Variants in FAM114A2 observed in about 807,000 individuals in gnomAD.
FAM114A2 encodes the protein protein FAM114A2.
Under a neutral mutation model 58.4 loss-of-function variants are expected in FAM114A2, and 53 were observed. The observed-to-expected ratio is 0.91, with a 90% confidence interval of 0.73 to 1.14. FAM114A2 has a LOEUF of 1.14. FAM114A2 is among the 50% of genes most tolerant of loss of function. FAM114A2 has a pLI of 0.00. For missense variants in FAM114A2, 601 were observed against 581.1 expected, an observed-to-expected ratio of 1.03 and a Z score of -0.35; for synonymous variants, 228 against 211.4, an observed-to-expected ratio of 1.08 and a Z score of -0.68.
intron 8 of FAM114A2, among the ~76,000 whole-genome samples, chr5:154,020,319 A>G (rs1561562694): frequency 9.4e-6 from 1 of 106,774 alleles, no homozygotes; most frequent in Non-Finnish European, 2.0e-5. Flanking sequence ...TGAAGGAGAT[A>G]GAGACACAAA....
In FAM114A2 at chr5:154,029,600, T is replaced by C; in HGVS notation, c.404-20A>G. On this transcript the variant is annotated intron_variant, in intron 4 of 13. Coordinates refer to ENST00000351797, the MANE Select transcript of FAM114A2 (RefSeq NM_018691.4). ...TCTCTCCTACAAGAGGGAGGGGATG[T>C]GTAAACATGAAGGGAAGGTCCCTTA... The C allele has an allele frequency of 2.8e-6, 4 of 1,408,612 alleles. No homozygotes were observed. Among genetic ancestry groups the C allele is most frequent in the Non-Finnish European group, 4.0e-6 (4 of 995,772 alleles). The allele number at this position is 1,408,612 out of a possible 1,614,324, so 87.3% of individuals were successfully genotyped here. A position where few individuals can be genotyped will look rare whatever the true frequency, so the allele number is the denominator to read the frequency against.
intron 11 of FAM114A2, 77 bp downstream of exon 11, chr5:154,002,174 C>T (rs569005139): frequency 2.4e-5 from 33 of 1,365,390 alleles, no homozygotes; most frequent in Admixed American, 5.1e-5. Flanking sequence ...TTGAGAGAGA[C>T]GTTTATAAAA....
intron 11 of FAM114A2, among the ~76,000 whole-genome samples, chr5:154,002,028 T>C (rs1770007886): frequency 6.6e-6 from 1 of 152,158 alleles, no homozygotes; most frequent in Non-Finnish European, 1.5e-5. Flanking sequence ...TGTAAAGAAA[T>C]AGTCTTCAGA....
intron 1 of FAM114A2, among the ~76,000 whole-genome samples, 175 bp from the exon 2 acceptor site, chr5:154,035,142 T>C (rs751785923): frequency 1.6e-4 from 24 of 152,214 alleles, no homozygotes; most frequent in Non-Finnish European, 3.1e-4. Context: ...ACAAATATAA[T>C]ATCACAACCA....
intron 12 of FAM114A2, 57 bp downstream of exon 12, chr5:153,997,746 T>C: frequency 9.2e-7 from 1 of 1,081,612 alleles, no homozygotes. Context: ...TTTATGATAT[T>C]TAAACTGCTA....
intron 2 of FAM114A2, 150 bp downstream of exon 2, chr5:154,034,594 T>C (rs1772419117): frequency 1.5e-6 from 1 of 680,054 alleles, no homozygotes; most frequent in South Asian, 1.9e-5. Flanking sequence ...AAGGCATTTA[T>C]AGAACTGAAA....
At chr5:153,996,344 T>G (rs1769551501) in intron 12 of FAM114A2, among the ~76,000 whole-genome samples, 1 of 152,056 alleles carries the variant, frequency 6.6e-6, no homozygotes, top group African/African-American at 2.4e-5. Flanking sequence ...CGGATATCCA[T>G]ATGCAAAAGC....
chr5:154,026,307 T>G, intron 8 of FAM114A2, 92 bp downstream of exon 8: 1 of 988,468 alleles, frequency 1.0e-6, no homozygotes. Context: ...ATCAAGCCAG[T>G]GTAATAAGAG....
intron 13 of FAM114A2, among the ~76,000 whole-genome samples, chr5:153,994,422 T>C (rs368568194): frequency 6.6e-6 from 1 of 152,166 alleles, no homozygotes; most frequent in African/African-American, 2.4e-5. Flanking sequence ...CTCTTTTCCA[T>C]TGACTTAAAC....
At chr5:154,034,106 C>T (rs147541755) in intron 3 of FAM114A2, among the ~76,000 whole-genome samples, 172 bp downstream of exon 3, 1 of 152,246 alleles carries the variant, frequency 6.6e-6, no homozygotes, top group East Asian at 1.9e-4. Context: ...TGAGGAAATG[C>T]TACAAACTCT....
chr5:154,003,940 T>C (rs1226350667), intron 9 of FAM114A2, among the ~76,000 whole-genome samples: 1 of 152,204 alleles, frequency 6.6e-6, no homozygotes, highest in Admixed American at 6.5e-5. Flanking sequence ...AAGACTGTAA[T>C]ACCATATTTT....
At chr5:153,994,886 T>G (rs1446031798) in intron 13 of FAM114A2, 33 bp downstream of exon 13, 10 of 1,419,114 alleles carry the variant, frequency 7.0e-6, no homozygotes, top group Non-Finnish European at 1.0e-5. Context: ...ACGTAATACC[T>G]TTGGAGTCAG....
rs1311610137 is a variant in FAM114A2 at position 153,992,759 on chromosome 5, CA to C, written c.*216del. The C allele has an allele frequency of 2.7e-6, 1 of 364,324 alleles. No homozygotes were observed. The highest frequency in any genetic ancestry group is 4.9e-6 in the Non-Finnish European group (1 of 205,682). The allele number at this position is 364,324 out of a possible 1,614,324, so 22.6% of individuals were successfully genotyped here. A position where few individuals can be genotyped will look rare whatever the true frequency, so the allele number is the denominator to read the frequency against. On this transcript the variant is annotated 3_prime_UTR_variant, in exon 14 of 14. Coordinates refer to ENST00000351797, the MANE Select transcript of FAM114A2 (RefSeq NM_018691.4). Reference sequence around the variant, plus strand: ...TGGACTTTCTACAAAAGTTTCTTTTCAAATAATTTATGAATTACAACAACTG... The same window carrying C: ...TGGACTTTCTACAAAAGTTTCTTTTCAATAATTTATGAATTACAACAACTG...
chr5:154,008,330 G>C (rs2438423), intron 9 of FAM114A2, among the ~76,000 whole-genome samples: 99,060 of 151,956 alleles, frequency 0.65, 32,642 homozygotes, highest in East Asian at 0.88. Flanking sequence ...TATTAATACT[G>C]TACATATTCA....
At chr5:154,010,123 T>G (rs1225560305) in intron 9 of FAM114A2, among the ~76,000 whole-genome samples, 1 of 152,216 alleles carries the variant, frequency 6.6e-6, no homozygotes, top group Non-Finnish European at 1.5e-5. Flanking sequence ...TACTCTCAAA[T>G]AGTTACAAAA....
chr5:154,023,978 CT>C (rs1263548000), intron 8 of FAM114A2, among the ~76,000 whole-genome samples: 1 of 152,172 alleles, frequency 6.6e-6, no homozygotes, highest in Non-Finnish European at 1.5e-5. Flanking sequence ...ACTCAGAGCT[CT>C]TTGCTTTTAA....
At chr5:154,011,427 A>G in intron 8 of FAM114A2, 107 bp from the exon 9 acceptor site, 1 of 692,606 alleles carries the variant, frequency 1.4e-6, no homozygotes, top group Non-Finnish European at 2.6e-6. Context: ...TGACAGTAGT[A>G]GTAATAACAA....
intron 3 of FAM114A2, 80 bp downstream of exon 3, chr5:154,034,198 T>C (rs1383575736): frequency 1.1e-6 from 1 of 905,892 alleles, no homozygotes; most frequent in East Asian, 2.5e-5. Flanking sequence ...GGAAGAAGAA[T>C]TTTAACCAAG....
At chr5:154,005,648 C>T (rs764776027) in intron 9 of FAM114A2, among the ~76,000 whole-genome samples, 48 of 152,304 alleles carry the variant, frequency 3.2e-4, no homozygotes, top group Non-Finnish European at 5.1e-4. Context: ...CCTTGATTTT[C>T]TATTTTCTTG....
Sources: allele counts gnomAD v4.1 joint callset (sites outside exome capture counted in the v4.1 genomes callset), GRCh38; gene constraint gnomAD v4.1.1; transcripts MANE v1.5; gene names NCBI Gene and HGNC (gene_info 2026-07-23, HGNC 2026-07-21).